The following TANC1 variants were observed in gnomAD, a reference collection of about 807,000 sequenced individuals.
TANC1 encodes the protein protein TANC1.
TANC1 carries 77 observed loss-of-function variants against 149.7 expected under a neutral mutation model. The observed-to-expected ratio is 0.51, with a 90% CI of 0.43 to 0.62. TANC1 has a LOEUF of 0.62. Ranked by LOEUF, TANC1 falls within the 20% of genes least tolerant of loss-of-function variation. The probability of loss-of-function intolerance (pLI) is 0.00; values close to 1 mark genes in which losing one functional copy is unlikely to be tolerated. For missense variants in TANC1, 1,985 were observed against 2,321.8 expected (o/e 0.85, Z 2.98); for synonymous variants, 854 against 925.0 (o/e 0.92, Z 1.39).
chr2:158,992,461 A>G (rs2035729500), intron 1 of TANC1, among the ~76,000 whole-genome samples: 1 of 151,682 alleles, frequency 6.6e-6, no homozygotes, highest in Admixed American at 6.6e-5. Context: ...AAAAATGTAT[A>G]GCTGTAGCTA....
At chr2:159,013,524 T>C (rs2037972334) in intron 2 of TANC1, among the ~76,000 whole-genome samples, 1 of 152,238 alleles carries the variant, frequency 6.6e-6, no homozygotes, top group South Asian at 2.1e-4. Context: ...AATTTCACAA[T>C]GCATTATGAG....
chr2:159,225,994 C>T (rs1217569982), intron 24 of TANC1: 4 of 562,724 alleles, frequency 7.1e-6, no homozygotes, highest in Non-Finnish European at 1.3e-5. Context: ...CCAACCTGGC[C>T]AATATGGCAA....
intron 2 of TANC1, among the ~76,000 whole-genome samples, chr2:159,023,883 A>G (rs2039035547): frequency 6.6e-6 from 1 of 151,584 alleles, no homozygotes; most frequent in Non-Finnish European, 1.5e-5. Flanking sequence ...CAGGAGAATC[A>G]CTTGAACCCA....
At chr2:159,021,391 T>C (rs1042286539) in intron 2 of TANC1, among the ~76,000 whole-genome samples, 1 of 152,150 alleles carries the variant, frequency 6.6e-6, no homozygotes, top group Non-Finnish European at 1.5e-5. Flanking sequence ...GGCTTTTCTT[T>C]TAAAAAGATA....
At chr2:159,112,011 G>GTCAGAAAGAGATTGTGGACT (rs2047777665) in intron 4 of TANC1, among the ~76,000 whole-genome samples, 1 of 152,218 alleles carries the variant, frequency 6.6e-6, no homozygotes, top group Admixed American at 6.5e-5. Flanking sequence ...TGTTGTGTCA[G>GTCAGAAAGAGATTGTGGACT]TCAGAAAGAG....
At chr2:159,135,418 G>A (rs2050564993) in intron 4 of TANC1, among the ~76,000 whole-genome samples, 3 of 152,246 alleles carry the variant, frequency 2.0e-5, no homozygotes, top group Admixed American at 6.5e-5. Context: ...ATTCCCATAG[G>A]AGTAGAACTG....
chr2:159,097,648 G>T lies in TANC1; in HGVS notation c.73G>T (p.Gly25Cys). The T allele has an allele frequency of 6.2e-7, 1 of 1,613,758 alleles. No homozygotes were observed. Among genetic ancestry groups the T allele is most frequent in the Non-Finnish European group, 8.5e-7 (1 of 1,179,748 alleles). ...TCTCTCTACTCTAGGAAGTGACTTTGGTCCAGAGACTTCTCCAGTCCTGCA... is the reference window on the plus strand; with the variant it reads ...TCTCTCTACTCTAGGAAGTGACTTTTGTCCAGAGACTTCTCCAGTCCTGCA... ...GGKKEAGSDFGPETSPVLHLD... is the reference protein window; with the variant it reads ...GGKKEAGSDFCPETSPVLHLD... Residue 25 changes from glycine (G) to cysteine (C), a missense_variant, in exon 4 of 27, where the codon GGT becomes TGT. Coordinates refer to ENST00000263635, the MANE Select transcript of TANC1 (RefSeq NM_033394.3).
chr2:159,097,901 T>C, intron 4 of TANC1, 67 bp downstream of exon 4: 2 of 1,366,814 alleles, frequency 1.5e-6, no homozygotes, highest in Non-Finnish European at 1.0e-6. Flanking sequence ...TAAGCAAAAC[T>C]AGTGCCCATG....
intron 4 of TANC1, among the ~76,000 whole-genome samples, chr2:159,098,695 T>A (rs926976186): frequency 6.6e-6 from 1 of 152,206 alleles, no homozygotes; most frequent in African/African-American, 2.4e-5. Context: ...TGGAAGTATT[T>A]TGGCTTCCCT....
intron 2 of TANC1, among the ~76,000 whole-genome samples, chr2:159,039,755 A>C (rs1195967585): frequency 6.6e-6 from 1 of 152,138 alleles, no homozygotes; most frequent in East Asian, 1.9e-4. Flanking sequence ...TTTGCTGAGG[A>C]GTGCTTTATT....
chr2:159,129,640 A>C (rs2049869458), intron 4 of TANC1, among the ~76,000 whole-genome samples: 1 of 150,740 alleles, frequency 6.6e-6, no homozygotes, highest in South Asian at 2.1e-4. Flanking sequence ...TACTTTTGGC[A>C]CTTTGTTGTT....
At chr2:159,147,043 A>T (rs1250244073) in intron 5 of TANC1, among the ~76,000 whole-genome samples, 3 of 152,034 alleles carry the variant, frequency 2.0e-5, no homozygotes, top group African/African-American at 7.2e-5. Context: ...TGCACATAGG[A>T]CCTACATAGG....
At chr2:159,156,298 G>C (rs1163744940) in intron 7 of TANC1, among the ~76,000 whole-genome samples, 1 of 152,060 alleles carries the variant, frequency 6.6e-6, no homozygotes, top group Non-Finnish European at 1.5e-5. Flanking sequence ...AAAATCTCTT[G>C]GGTGAAGAGA....
chr2:159,096,103 A>G (rs560164758), intron 3 of TANC1, among the ~76,000 whole-genome samples: 1 of 152,232 alleles, frequency 6.6e-6, no homozygotes, highest in Admixed American at 6.5e-5. Flanking sequence ...GAAAGTTTAT[A>G]CATCTTTCAA....
intron 14 of TANC1, among the ~76,000 whole-genome samples, chr2:159,184,844 TC>T (rs2056827248): frequency 1.3e-5 from 2 of 152,156 alleles, no homozygotes; most frequent in Admixed American, 6.5e-5. Context: ...CGTCATGCCC[TC>T]CCCTGTAGTA....
At chr2:158,998,845 A>G (rs1050562417) in intron 1 of TANC1, among the ~76,000 whole-genome samples, 1 of 152,136 alleles carries the variant, frequency 6.6e-6, no homozygotes, top group East Asian at 1.9e-4. Context: ...TCACCATGCC[A>G]TTCCCCCCTC....
At chr2:159,122,313 T>C (rs1176653900) in intron 4 of TANC1, among the ~76,000 whole-genome samples, 1 of 152,200 alleles carries the variant, frequency 6.6e-6, no homozygotes, top group African/African-American at 2.4e-5. Context: ...GGCTGGCCTT[T>C]AGCTGTTGCT....
intron 2 of TANC1, among the ~76,000 whole-genome samples, chr2:159,059,325 G>A (rs777821008): frequency 1.1e-4 from 17 of 151,810 alleles, no homozygotes; most frequent in Non-Finnish European, 2.1e-4. Flanking sequence ...GCAACCTAAT[G>A]AGACCTCCAT....
In TANC1 at chr2:158,987,434, A is replaced by G. The variant is rs192458802; in HGVS notation, c.-125-13646A>G. ...CCAGCTACTTGGGTGGCTGGGGGGT[A>G]GGAGGATCGCTTGAGCCCAGAAGGT... On this transcript the variant is annotated intron_variant, in intron 1 of 26. Transcript: ENST00000263635. 3.9e-5 allele frequency among the ~76,000 whole-genome samples: 6 copies of G among 152,028 alleles called. No individual in the cohort carries two copies. The South Asian group carries it at 6.2e-4, about 16-fold the overall frequency.
Sources: allele counts gnomAD v4.1 joint callset (sites outside exome capture counted in the v4.1 genomes callset), GRCh38; gene constraint gnomAD v4.1.1; transcripts MANE v1.5; gene names NCBI Gene and HGNC (gene_info 2026-07-23, HGNC 2026-07-21).